The following DLGAP1 variants were observed in gnomAD, a reference collection of about 807,000 sequenced individuals.
DLGAP1 encodes the protein disks large-associated protein 1.
Under a neutral mutation model 90.8 loss-of-function variants are expected in DLGAP1, and 11 were observed. That is an observed-to-expected ratio of 0.12 (90% confidence interval 0.08 to 0.20). The LOEUF (loss-of-function observed/expected upper bound fraction) is 0.20, where lower values mean the gene tolerates loss of function less well. Ranked by LOEUF, DLGAP1 falls within the 10% of genes least tolerant of loss-of-function variation. The probability of loss-of-function intolerance (pLI) is 1.00; values close to 1 mark genes in which losing one functional copy is unlikely to be tolerated. For missense variants in DLGAP1, 1,050 were observed against 1,333.8 expected, an observed-to-expected ratio of 0.79 and a Z score of 3.31; for synonymous variants, 558 against 540.7, an observed-to-expected ratio of 1.03 and a Z score of -0.44.
rs372861004 is a variant in DLGAP1, at chr18:4,021,757, C to T, written c.-158-16556G>A. The stretch of plus-strand genomic sequence containing the variant: ...GGGATTGCAGGTATGGGCCACCATG[C>T]CAGGCTAATTTTTGTATTTTTAGTA... On this transcript the variant is annotated intron_variant, in intron 2 of 12. Transcript: ENST00000315677. 7.0e-4 allele frequency among the ~76,000 whole-genome samples: 107 copies of T among 152,178 alleles called. 1 individual carries two copies. In the South Asian group the frequency reaches 0.021, roughly 30 times the overall value.
intron 3 of DLGAP1, among the ~76,000 whole-genome samples, chr18:3,955,435 G>T (rs2073064905): frequency 6.6e-6 from 1 of 152,182 alleles, no homozygotes; most frequent in African/African-American, 2.4e-5. Flanking sequence ...AGACAGGCCG[G>T]GCGCCGTGGC....
intron 2 of DLGAP1, among the ~76,000 whole-genome samples, chr18:4,018,791 T>C (rs1954648221): frequency 6.6e-6 from 1 of 152,206 alleles, no homozygotes; most frequent in African/African-American, 2.4e-5. Context: ...GACTTCGTCA[T>C]TAGATTTAAT....
chr18:3,713,247 G>A (rs1478242696), intron 7 of DLGAP1, among the ~76,000 whole-genome samples: 1 of 152,154 alleles, frequency 6.6e-6, no homozygotes, highest in Non-Finnish European at 1.5e-5. Flanking sequence ...GCAACTGATT[G>A]GACTCCCAGT....
At chr18:3,845,456 A>G (rs2068954594) in intron 4 of DLGAP1, 4 of 1,333,410 alleles carry the variant, frequency 3.0e-6, no homozygotes, top group Middle Eastern at 2.1e-4. Flanking sequence ...TTTCATTCAT[A>G]TAAAGATACT....
chr18:4,391,926 GA>G (rs2082348954), intron 1 of DLGAP1, among the ~76,000 whole-genome samples: 1 of 152,028 alleles, frequency 6.6e-6, no homozygotes, highest in South Asian at 2.1e-4. Context: ...TATTTTTAAA[GA>G]AAAAAAGTCA....
chr18:3,599,201 C>T (rs913881298), intron 7 of DLGAP1, among the ~76,000 whole-genome samples: 1 of 152,222 alleles, frequency 6.6e-6, no homozygotes, highest in African/African-American at 2.4e-5. Flanking sequence ...ACTCCACAAA[C>T]CCCCATCCTC....
At chr18:3,652,206 A>G (rs543363204) in intron 7 of DLGAP1, among the ~76,000 whole-genome samples, 66 of 152,070 alleles carry the variant, frequency 4.3e-4, no homozygotes, top group Non-Finnish European at 7.6e-4. Flanking sequence ...CACAATGACA[A>G]AGGCAGAGTT....
intron 7 of DLGAP1, among the ~76,000 whole-genome samples, chr18:3,696,460 G>GT (rs1166500138): frequency 6.6e-6 from 1 of 152,138 alleles, no homozygotes; most frequent in East Asian, 1.9e-4. Flanking sequence ...ATAATCGTGT[G>GT]TTTTTTGTCA....
chr18:4,298,785 C>A (rs12958540), intron 1 of DLGAP1, among the ~76,000 whole-genome samples: 32,416 of 151,150 alleles, frequency 0.21, 3,558 homozygotes, highest in African/African-American at 0.25. Flanking sequence ...AAAAAAAAAG[C>A]AGCAGCAAAT....
At chr18:3,797,642 C>A (rs961960530) in intron 5 of DLGAP1, among the ~76,000 whole-genome samples, 1 of 152,178 alleles carries the variant, frequency 6.6e-6, no homozygotes, top group Non-Finnish European at 1.5e-5. Flanking sequence ...AGCTTCTGAA[C>A]AGTTTTAAAG....
At chr18:3,673,321 C>T (rs548507972) in intron 7 of DLGAP1, among the ~76,000 whole-genome samples, 1 of 152,266 alleles carries the variant, frequency 6.6e-6, no homozygotes, top group South Asian at 2.1e-4. Flanking sequence ...TATTATGGCC[C>T]TTACTGGATG....
At chr18:3,571,223 A>G (rs2054763624) in intron 8 of DLGAP1, 2 of 151,770 alleles carry the variant, frequency 1.3e-5, no homozygotes, top group Non-Finnish European at 2.9e-5. Context: ...GCTGGATGAG[A>G]TCTTGCTATG....
chr18:3,684,107 C>T (rs2060617033), intron 7 of DLGAP1, among the ~76,000 whole-genome samples: 1 of 151,932 alleles, frequency 6.6e-6, no homozygotes, highest in Non-Finnish European at 1.5e-5. Flanking sequence ...ACAAAAAATG[C>T]ACTCTAGGAG....
chr18:4,387,310 C>T (rs894968240), intron 1 of DLGAP1, among the ~76,000 whole-genome samples: 8 of 152,098 alleles, frequency 5.3e-5, no homozygotes, highest in South Asian at 2.1e-4. Flanking sequence ...AAATAAGCCA[C>T]ATTTGAGTGA....
At chr18:3,858,375 A>C (rs2069783901) in intron 4 of DLGAP1, among the ~76,000 whole-genome samples, 1 of 151,958 alleles carries the variant, frequency 6.6e-6, no homozygotes, top group Non-Finnish European at 1.5e-5. Flanking sequence ...ATGTCCTTTC[A>C]ACTTTGTATT....
chr18:3,580,382 A>G, intron 8 of DLGAP1: 1 of 1,613,938 alleles, frequency 6.2e-7, no homozygotes, highest in African/African-American at 1.3e-5. Flanking sequence ...TCAGAGCCAC[A>G]TACCTAAGCA....
At chr18:3,716,141 T>G (rs2061752998) in intron 7 of DLGAP1, among the ~76,000 whole-genome samples, 1 of 152,204 alleles carries the variant, frequency 6.6e-6, no homozygotes, top group Admixed American at 6.5e-5. Context: ...AAGATTTCAT[T>G]TAGTCAAGAA....
At chr18:3,723,021 C>T (rs368797526) in intron 7 of DLGAP1, among the ~76,000 whole-genome samples, 1 of 152,248 alleles carries the variant, frequency 6.6e-6, no homozygotes, top group East Asian at 1.9e-4. Flanking sequence ...CCACTTTGGG[C>T]CTTAGTTTCC....
chr18:3,968,050 T>C (rs540992074), intron 3 of DLGAP1, among the ~76,000 whole-genome samples: 1 of 152,300 alleles, frequency 6.6e-6, no homozygotes, highest in Admixed American at 6.5e-5. Flanking sequence ...ATAAAATAAG[T>C]TATTGGAAAA....
Sources: gnomAD v4.1 joint callset for allele counts (sites outside exome capture counted in the v4.1 genomes callset) on GRCh38, gnomAD v4.1.1 for gene constraint, MANE v1.5 for transcripts, NCBI Gene and HGNC (gene_info 2026-07-23, HGNC 2026-07-21) for gene names.